Variants in TAF3 observed in about 807,000 individuals in gnomAD.
The protein encoded by TAF3 is transcription initiation factor TFIID subunit 3.
TAF3 carries 7 observed loss-of-function variants against 80.6 expected under a neutral mutation model. That is an observed-to-expected ratio of 0.09 (90% confidence interval 0.05 to 0.16). The LOEUF (loss-of-function observed/expected upper bound fraction) is 0.16, where lower values mean the gene tolerates loss of function less well. Among genes scored for constraint, TAF3 ranks in the 10% least tolerant of loss-of-function variants. The probability of loss-of-function intolerance (pLI) is 1.00; values close to 1 mark genes in which losing one functional copy is unlikely to be tolerated. For missense variants in TAF3, 921 were observed against 1,140.2 expected (o/e 0.81, Z 2.77); for synonymous variants, 444 against 446.1 (o/e 1.00, Z 0.06).
intron 2 of TAF3, among the ~76,000 whole-genome samples, chr10:7,895,871 C>T (rs1484224303): frequency 1.3e-5 from 2 of 152,214 alleles, no homozygotes; most frequent in Non-Finnish European, 2.9e-5. Context: ...GTCAGGGCTG[C>T]TTTCTCCCCA....
At chr10:7,834,653 A>G (rs1836833792) in intron 2 of TAF3, among the ~76,000 whole-genome samples, 2 of 152,208 alleles carry the variant, frequency 1.3e-5, no homozygotes, top group South Asian at 4.1e-4. Flanking sequence ...TTTTTATGTT[A>G]CATCCATAAA....
At chr10:7,831,818 A>G (rs1010996623) in intron 2 of TAF3, among the ~76,000 whole-genome samples, 4 of 152,094 alleles carry the variant, frequency 2.6e-5, no homozygotes, top group Non-Finnish European at 5.9e-5. Context: ...GTCATGTTCT[A>G]TGCTTGGTAT....
chr10:7,928,252 G>A (rs888303781), intron 2 of TAF3, among the ~76,000 whole-genome samples: 1 of 151,992 alleles, frequency 6.6e-6, no homozygotes, highest in Non-Finnish European at 1.5e-5. Flanking sequence ...ATTTTTGCCT[G>A]TTTAACTCAC....
chr10:7,916,672 C>T (rs967894779), intron 2 of TAF3, among the ~76,000 whole-genome samples: 11 of 151,956 alleles, frequency 7.2e-5, no homozygotes, highest in African/African-American at 2.4e-4. Context: ...GATCAAATCC[C>T]GGCTTAACTG....
At chr10:7,918,681 C>T (rs767620638) in intron 2 of TAF3, among the ~76,000 whole-genome samples, 1 of 152,156 alleles carries the variant, frequency 6.6e-6, no homozygotes, top group Non-Finnish European at 1.5e-5. Context: ...AGGCACTCAG[C>T]CTGAAGCTTA....
chr10:8,004,119 C>T (rs552365497), intron 4 of TAF3, among the ~76,000 whole-genome samples: 7 of 152,072 alleles, frequency 4.6e-5, no homozygotes, highest in Non-Finnish European at 8.8e-5. Context: ...GGCATGATCA[C>T]GGCCCACTGC....
intron 2 of TAF3, among the ~76,000 whole-genome samples, chr10:7,882,579 T>G (rs1030129930): frequency 6.6e-6 from 1 of 152,170 alleles, no homozygotes; most frequent in African/African-American, 2.4e-5. Context: ...CGTAGGTTTA[T>G]TGGATGAAAA....
chr10:7,977,863 C>A (rs1336074661), intron 4 of TAF3, among the ~76,000 whole-genome samples: 3 of 152,168 alleles, frequency 2.0e-5, no homozygotes, highest in Non-Finnish European at 2.9e-5. Flanking sequence ...GAAATGCAAA[C>A]CCCACGTTTG....
chr10:7,824,226 C>G, intron 1 of TAF3, 92 bp from the exon 2 acceptor site: 1 of 1,372,996 alleles, frequency 7.3e-7, no homozygotes, highest in Non-Finnish European at 9.9e-7. Flanking sequence ...TGATTCTGAG[C>G]TGCATATTTA....
chr10:7,991,445 G>A (rs191471049), intron 4 of TAF3, among the ~76,000 whole-genome samples: 1 of 151,886 alleles, frequency 6.6e-6, no homozygotes, highest in African/African-American at 2.4e-5. Context: ...AGTTACTATT[G>A]CACCATTGTT....
intron 2 of TAF3, among the ~76,000 whole-genome samples, chr10:7,896,043 A>G (rs141549017): frequency 0.014 from 2,150 of 152,276 alleles, 19 homozygotes; most frequent in Non-Finnish European, 0.019. Context: ...AGGAGAATTC[A>G]GAGAAGGAAA....
chr10:7,917,496 G>A (rs950563826), intron 2 of TAF3, among the ~76,000 whole-genome samples: 1 of 152,246 alleles, frequency 6.6e-6, no homozygotes, highest in Non-Finnish European at 1.5e-5. Flanking sequence ...GGAGGCAGGG[G>A]CCAGTTCCTA....
chr10:7,924,532 A>G (rs116151048), intron 2 of TAF3, among the ~76,000 whole-genome samples: 1,564 of 152,300 alleles, frequency 0.01, 28 homozygotes, highest in African/African-American at 0.036. Flanking sequence ...GCACATCTTT[A>G]TGTGGGCATG....
chr10:7,876,845 GTGCATGAT>G (rs1412719500), intron 2 of TAF3, among the ~76,000 whole-genome samples: 1 of 152,154 alleles, frequency 6.6e-6, no homozygotes, highest in African/African-American at 2.4e-5. Flanking sequence ...ACTTTGGGAA[GTGCATGAT>G]TCTTCCTCCA....
At chr10:7,842,299 A>G (rs940681445) in intron 2 of TAF3, among the ~76,000 whole-genome samples, 1 of 150,894 alleles carries the variant, frequency 6.6e-6, no homozygotes, top group East Asian at 2.0e-4. Flanking sequence ...AGCTGGGATC[A>G]CAGACATGCA....
chr10:7,895,875 C>G (rs780524067), intron 2 of TAF3, among the ~76,000 whole-genome samples: 1 of 152,178 alleles, frequency 6.6e-6, no homozygotes, highest in East Asian at 1.9e-4. Context: ...GGGCTGCTTT[C>G]TCCCCACCCC....
intron 5 of TAF3, among the ~76,000 whole-genome samples, chr10:8,012,730 G>A (rs757231690): frequency 9.2e-5 from 14 of 152,164 alleles, no homozygotes; most frequent in Admixed American, 3.3e-4. Flanking sequence ...TTGTAGAGTT[G>A]CCTTAAAGGA....
chr10:7,875,419 C>T (rs116752145), intron 2 of TAF3, among the ~76,000 whole-genome samples: 1,711 of 152,166 alleles, frequency 0.011, 33 homozygotes, highest in African/African-American at 0.039. Flanking sequence ...AATTTTTCCT[C>T]AACATTAGGT....
At position 8,014,986 on chromosome 10, in the gene TAF3, G is replaced by A. The variant is rs1832091081; in HGVS notation, c.*235G>A. The A allele has an allele frequency of 2.6e-6, 1 of 388,014 alleles. No homozygotes were observed. The highest frequency in any genetic ancestry group is 2.0e-5 in the African/African-American group (1 of 49,258). 24.0% of individuals were successfully genotyped at this position (388,014 alleles called of 1,614,324 possible). On this transcript the variant is annotated 3_prime_UTR_variant, in exon 7 of 7. Coordinates refer to ENST00000344293, the MANE Select transcript of TAF3 (RefSeq NM_031923.4). ...GGAAACTCAAGCAGAGGCGTGGCCT[G>A]GGGGCTGCCCCTCCTCCACTTCTCT...
Sources: gnomAD v4.1 joint callset for allele counts (sites outside exome capture counted in the v4.1 genomes callset) on GRCh38, gnomAD v4.1.1 for gene constraint, MANE v1.5 for transcripts, NCBI Gene and HGNC (gene_info 2026-07-23, HGNC 2026-07-21) for gene names.